The following LIN28B variants were observed in gnomAD, a reference collection of about 807,000 sequenced individuals.
LIN28B encodes lin-28 RNA binding posttranscriptional regulator B, also known as protein lin-28 homolog B.
A neutral mutation model predicts 21.9 loss-of-function variants in LIN28B; 5 were observed. The observed-to-expected ratio is 0.23, with a 90% CI of 0.12 to 0.48. The LOEUF is 0.48. LIN28B is among the 20% of genes least tolerant of loss of function. The pLI, the probability that LIN28B is intolerant of heterozygous loss-of-function variation, is 0.98. For synonymous variants in LIN28B, 109 were observed against 111.3 expected (o/e 0.98, Z 0.13); for missense variants, 245 against 310.5 (o/e 0.79, Z 1.58).
At chr6:104,947,460 T>C (rs1010890468) in intron 2 of LIN28B, among the ~76,000 whole-genome samples, 7 of 152,296 alleles carry the variant, frequency 4.6e-5, no homozygotes, top group Non-Finnish European at 1.0e-4. Flanking sequence ...TAATTCATAA[T>C]AGCAGTCATT....
chr6:104,960,324 A>G (rs1375825226), intron 2 of LIN28B, among the ~76,000 whole-genome samples: 1 of 152,166 alleles, frequency 6.6e-6, no homozygotes, highest in Admixed American at 6.5e-5. Context: ...GTTGTAAATG[A>G]TACAGGTATT....
chr6:105,042,176 T>C (rs1380812255), intron 3 of LIN28B, among the ~76,000 whole-genome samples: 1 of 152,024 alleles, frequency 6.6e-6, no homozygotes, highest in African/African-American at 2.4e-5. Context: ...AAGAGGATTC[T>C]CCAGAAGAAA....
At chr6:105,017,657 CATGTTGTCACTT>C (rs1276665556) in intron 2 of LIN28B, among the ~76,000 whole-genome samples, 1 of 151,756 alleles carries the variant, frequency 6.6e-6, no homozygotes, top group Non-Finnish European at 1.5e-5. Flanking sequence ...CCAAATATTG[CATGTTGTCACTT>C]ATAAGTAGGA....
At chr6:105,052,105 A>ATT (rs1399747216) in intron 3 of LIN28B, among the ~76,000 whole-genome samples, 10 of 152,098 alleles carry the variant, frequency 6.6e-5, no homozygotes, top group African/African-American at 2.4e-4. Context: ...CAAAAGGAAA[A>ATT]CCTGTGCAAA....
intron 3 of LIN28B, among the ~76,000 whole-genome samples, chr6:105,071,120 CG>C (rs1772325643): frequency 1.3e-5 from 2 of 152,028 alleles, no homozygotes; most frequent in African/African-American, 4.8e-5. Flanking sequence ...CCTTGTGATC[CG>C]GCCACCTAGA....
chr6:105,058,270 T>G lies in LIN28B; in HGVS notation c.384-20144T>G, dbSNP rs1300931738. Among the ~76,000 whole-genome samples the G allele has an allele frequency of 2.0e-5, 3 of 152,202 alleles. No homozygotes were observed. The East Asian group carries it at 5.8e-4, about 29-fold the overall frequency. On this transcript the variant is annotated intron_variant, in intron 3 of 3. Transcript: ENST00000345080. ...AGTTCTCAAGGGGGAGATCGTTTTC[T>G]CTTCCTCCCACCACATAGTTGGGAG...
At chr6:104,942,845 A>C (rs1778112791) in intron 2 of LIN28B, among the ~76,000 whole-genome samples, 1 of 152,186 alleles carries the variant, frequency 6.6e-6, no homozygotes, top group East Asian at 1.9e-4. Flanking sequence ...GGTCATAAAA[A>C]TTTAAGGAAT....
chr6:105,003,779 G>T (rs1770762528), intron 2 of LIN28B, among the ~76,000 whole-genome samples: 1 of 152,086 alleles, frequency 6.6e-6, no homozygotes, highest in Non-Finnish European at 1.5e-5. Context: ...CCAAAGTGCT[G>T]GGATTACAGG....
chr6:105,043,588 GTTTT>G (rs557033563), intron 3 of LIN28B, among the ~76,000 whole-genome samples: 1 of 140,778 alleles, frequency 7.1e-6, no homozygotes, highest in Non-Finnish European at 1.6e-5. Flanking sequence ...TTTGTTTATG[GTTTT>G]TTTTTTTTTA....
intron 3 of LIN28B, among the ~76,000 whole-genome samples, chr6:105,027,409 A>G (rs1383945212): frequency 6.6e-6 from 1 of 152,018 alleles, no homozygotes; most frequent in East Asian, 1.9e-4. Context: ...TTGGAGGTTG[A>G]ATATATTTTA....
At chr6:104,956,557 A>G (rs1179236266), upstream of LIN28B, among the ~76,000 whole-genome samples, 1 of 152,174 alleles carries the variant, frequency 6.6e-6, no homozygotes, top group African/African-American at 2.4e-5. Context: ...TCCTAGGTGT[A>G]TGTTTTCATT....
chr6:104,950,632 G>A lies in LIN28B; in HGVS notation c.67+123G>A, dbSNP rs1008879306. ...TTCTCCATCCTTTCTACTTTGGCAAGACAGGTACCAAGTCCTCCTATACTT... is the reference window on the plus strand; with the variant it reads ...TTCTCCATCCTTTCTACTTTGGCAAAACAGGTACCAAGTCCTCCTATACTT... On this transcript the variant is annotated intron_variant, in intron 3 of 5. Coordinates refer to the LIN28B transcript ENST00000635857. 7.1e-5 allele frequency: 35 copies of A among 495,632 alleles called. No homozygotes were observed. In the East Asian group the frequency reaches 1.2e-3, roughly 17 times the overall value. 30.7% of individuals were successfully genotyped at this position (495,632 alleles called of 1,614,324 possible).
chr6:105,056,438 TC>T (rs1208966209), intron 3 of LIN28B, among the ~76,000 whole-genome samples: 1 of 152,120 alleles, frequency 6.6e-6, no homozygotes, highest in East Asian at 1.9e-4. Context: ...TAGGATGCAG[TC>T]CTAGGGTACA....
In LIN28B at chr6:104,985,372, A is replaced by C. The variant is rs184263937; in HGVS notation, c.198+27086A>C. 7.4e-3 allele frequency among the ~76,000 whole-genome samples: 1,126 copies of C among 152,326 alleles called. 8 individuals carry two copies. Among genetic ancestry groups the C allele is most frequent in the Non-Finnish European group, 9.9e-3 (672 of 68,030 alleles). On this transcript the variant is annotated intron_variant, in intron 2 of 3. Coordinates refer to ENST00000345080, the MANE Select transcript of LIN28B (RefSeq NM_001004317.4). ...ATGACAGTACAAAGGGATATGACCT[A>C]AATATAGTAAACTGGGGGAACTTAA...
At chr6:104,956,204 C>G (rs921954496), upstream of LIN28B, among the ~76,000 whole-genome samples, 1 of 151,736 alleles carries the variant, frequency 6.6e-6, no homozygotes, top group African/African-American at 2.4e-5. Context: ...CCTATCCTGG[C>G]GGCTCCTCTT....
At chr6:104,971,365 A>G (rs561813660) in intron 2 of LIN28B, among the ~76,000 whole-genome samples, 2 of 152,294 alleles carry the variant, frequency 1.3e-5, no homozygotes, top group South Asian at 4.1e-4. Context: ...TATAGATCTT[A>G]AAAGACAATG....
chr6:105,030,592 C>CTTTTTTTTTTTT (rs980799980), intron 3 of LIN28B, among the ~76,000 whole-genome samples: 142 of 106,524 alleles, frequency 1.3e-3, no homozygotes, highest in Non-Finnish European at 1.9e-3. Context: ...TTCTTTCTTT[C>CTTTTTTTTTTTT]TTTTTTTTTT....
intron 2 of LIN28B, among the ~76,000 whole-genome samples, chr6:104,966,283 T>C (rs1769856165): frequency 6.6e-6 from 1 of 152,192 alleles, no homozygotes; most frequent in Non-Finnish European, 1.5e-5. Flanking sequence ...TCAGTGTTCT[T>C]ATGGGTAAAA....
At chr6:105,030,768 G>A (rs1352095566) in intron 3 of LIN28B, among the ~76,000 whole-genome samples, 2 of 151,218 alleles carry the variant, frequency 1.3e-5, no homozygotes, top group African/African-American at 4.9e-5. Context: ...GGCTAATTTT[G>A]TATTTTTAAT....
Sources: gnomAD v4.1 joint callset for allele counts (sites outside exome capture counted in the v4.1 genomes callset) on GRCh38, gnomAD v4.1.1 for gene constraint, MANE v1.5 for transcripts, NCBI Gene and HGNC (gene_info 2026-07-23, HGNC 2026-07-21) for gene names.